The following PCDHGA1 variants were observed in gnomAD, a reference collection of about 807,000 sequenced individuals.
The protein encoded by PCDHGA1 is protocadherin gamma-A1.
PCDHGA1 carries 32 observed loss-of-function variants against 58.0 expected under a neutral mutation model. That is an observed-to-expected ratio of 0.55 (90% CI 0.42 to 0.74). The LOEUF (loss-of-function observed/expected upper bound fraction) is 0.74. Among genes scored for constraint, PCDHGA1 ranks in the 30% least tolerant of loss-of-function variants. PCDHGA1 has a pLI of 0.00. For missense variants in PCDHGA1, 1,205 were observed against 1,182.3 expected, an observed-to-expected ratio of 1.02 and a Z score of -0.28; for synonymous variants, 498 against 501.1, an observed-to-expected ratio of 0.99 and a Z score of 0.08.
chr5:141,403,527 C>G lies in PCDHGA1; in HGVS notation c.2421+70422C>G. The G allele has an allele frequency of 3.1e-6, 5 of 1,614,022 alleles. No homozygotes were observed. The South Asian group carries it at 5.5e-5, about 18-fold the overall frequency. The stretch of plus-strand genomic sequence containing the variant: ...ACTGGAGACAATGGAGCCATAAACC[C>G]AGAGCTGGTGCTGGAGCGCGCCCTG... On this transcript the variant is annotated intron_variant, in intron 1 of 3. Coordinates refer to ENST00000517417, the MANE Select transcript of PCDHGA1 (RefSeq NM_018912.3).
intron 3 of PCDHGA1, among the ~76,000 whole-genome samples, chr5:141,510,378 C>A (rs919650449): frequency 6.6e-6 from 1 of 151,786 alleles, no homozygotes; most frequent in East Asian, 2.0e-4. Flanking sequence ...TCTACTCGTG[C>A]CAGGCCTTGC....
At chr5:141,430,878 A>G in intron 1 of PCDHGA1, 1 of 1,600,748 alleles carries the variant, frequency 6.2e-7, no homozygotes, top group Admixed American at 1.8e-5. Context: ...GAAGAGCTGG[A>G]GAAAGGCTCT....
intron 1 of PCDHGA1, chr5:141,471,339 C>G (rs537413312): frequency 2.6e-5 from 4 of 152,366 alleles, no homozygotes; most frequent in Admixed American, 2.6e-4. Context: ...GTATGATCCA[C>G]TGCGCCCGGC....
chr5:141,350,108 CT>C (rs1758409669), intron 1 of PCDHGA1: 4 of 536,778 alleles, frequency 7.5e-6, no homozygotes, highest in Non-Finnish European at 1.2e-5. Context: ...TGCCTTCCTG[CT>C]TTGTCCGGTG....
intron 1 of PCDHGA1, chr5:141,357,754 G>T (rs1339262267): frequency 9.2e-6 from 10 of 1,082,578 alleles, no homozygotes; most frequent in Non-Finnish European, 1.3e-5. Context: ...AAGAAAACTG[G>T]TGGATGACCT....
intron 1 of PCDHGA1, chr5:141,478,142 G>A: frequency 3.7e-6 from 6 of 1,613,988 alleles, no homozygotes; most frequent in Non-Finnish European, 4.2e-6. Flanking sequence ...AGCCCGAGCC[G>A]AGTTCCCCTC....
chr5:141,414,559 T>C (rs1330713312), intron 1 of PCDHGA1: 2 of 1,613,782 alleles, frequency 1.2e-6, no homozygotes, highest in Non-Finnish European at 1.7e-6. Flanking sequence ...AGTCTCCTAC[T>C]TTACCTATAT....
In PCDHGA1 at chr5:141,389,591, C is replaced by G. The variant is rs533336501; in HGVS notation, c.2421+56486C>G. ...TGTACCCCGCGCTGGGTCCCGACGG[C>G]TCTGCGCTCTTCGATATGGTGCCGC... On this transcript the variant is annotated intron_variant, in intron 1 of 3. Transcript: ENST00000517417. 2.1e-5 allele frequency: 34 copies of G among 1,613,176 alleles called. No homozygotes were observed. The African/African-American group carries it at 2.1e-4, about 10-fold the overall frequency.
chr5:141,473,655 G>A (rs2099326380), intron 1 of PCDHGA1, among the ~76,000 whole-genome samples: 1 of 152,182 alleles, frequency 6.6e-6, no homozygotes, highest in Non-Finnish European at 1.5e-5. Context: ...AACAATTTGT[G>A]TGAAGGCCCT....
intron 1 of PCDHGA1, among the ~76,000 whole-genome samples, chr5:141,434,530 A>G (rs1241680580): frequency 6.6e-6 from 1 of 152,226 alleles, no homozygotes; most frequent in African/African-American, 2.4e-5. Flanking sequence ...CTTAAACCAC[A>G]AACAATAGCA....
chr5:141,332,691 C>A lies in PCDHGA1; in HGVS notation c.2007C>A (p.Ser669=). ...CCGTGGCCGTGGCCGACAGGATCTCCGACATCCTGGCCGACCTGGGCAGCC... is the reference window on the plus strand; with the variant it reads ...CCGTGGCCGTGGCCGACAGGATCTCAGACATCCTGGCCGACCTGGGCAGCC... The part of the protein sequence containing the change: ...TLTVAVADRI[S]DILADLGSLE... The change falls in exon 1 of 4, where the codon TCC becomes TCA. Residue 669 remains serine (S), a synonymous_variant. Coordinates refer to ENST00000517417, the MANE Select transcript of PCDHGA1 (RefSeq NM_018912.3). The surrounding 1 kb of genome is among the most constrained non-coding windows in gnomAD (Gnocchi z 4.6). The A allele has an allele frequency of 1.1e-5, 17 of 1,613,858 alleles. No homozygotes were observed. The highest frequency in any genetic ancestry group is 1.4e-5 in the Non-Finnish European group (17 of 1,179,950).
At chr5:141,341,734 T>G (rs1757083242) in intron 1 of PCDHGA1, 3 of 455,688 alleles carry the variant, frequency 6.6e-6, no homozygotes, top group Non-Finnish European at 1.1e-5. Flanking sequence ...ATTTTTTCTT[T>G]GTTAAAAATA....
At chr5:141,415,473 C>T in intron 1 of PCDHGA1, 2 of 1,614,224 alleles carry the variant, frequency 1.2e-6, no homozygotes, top group Non-Finnish European at 1.7e-6. Flanking sequence ...TCACCGCGGA[C>T]TCGCGAAAGA....
At chr5:141,438,739 G>A (rs1264194876) in intron 1 of PCDHGA1, among the ~76,000 whole-genome samples, 1 of 149,040 alleles carries the variant, frequency 6.7e-6, no homozygotes, top group African/African-American at 2.5e-5. Context: ...TCAGCTCACT[G>A]CAACCTCTGC....
At position 141,331,467 on chromosome 5, in the gene PCDHGA1, G is replaced by T. The variant is rs1756359210; in HGVS notation, c.783G>T (p.Leu261=). The change falls in exon 1 of 4, where the codon CTG becomes CTT. Residue 261 remains leucine (L), a synonymous_variant. Transcript: ENST00000517417. ...VPENVPLGTQ[L]LMVNATDPDE... ...AAAACGTGCCGCTGGGTACTCAGCT[G>T]CTCATGGTAAATGCCACTGACCCTG... 6.2e-7 allele frequency: 1 copy of T among 1,614,208 alleles called. No homozygotes were observed.
intron 1 of PCDHGA1, chr5:141,419,582 T>A (rs1474193256): frequency 6.2e-7 from 1 of 1,611,894 alleles, no homozygotes. Context: ...CTCCGCGCTC[T>A]TCGACACAGT....
Position 141,394,191 on chromosome 5 carries a change from T to C in PCDHGA1, c.2421+61086T>C, listed in dbSNP as rs775886477. 3 of 1,613,764 alleles carry C rather than the reference T, an allele frequency of 1.9e-6. No homozygotes were observed. The Admixed American group carries it at 5.0e-5, about 27-fold the overall frequency. On this transcript the variant is annotated intron_variant, in intron 1 of 3. Coordinates refer to ENST00000517417, the MANE Select transcript of PCDHGA1 (RefSeq NM_018912.3). ...TTTCCCTCATGCCTCCTACTCAGCG[T>C]ATATCCTAGAGAACAACCTGAGAGG...
At chr5:141,415,709 C>A in intron 1 of PCDHGA1, 1 of 1,092,276 alleles carries the variant, frequency 9.2e-7, no homozygotes, top group Non-Finnish European at 1.3e-6. Context: ...AATGCTAAAA[C>A]ACTGATGAGT....
chr5:141,485,737 C>T lies in PCDHGA1; in HGVS notation c.2422-9070C>T. On this transcript the variant is annotated intron_variant, in intron 1 of 3. Coordinates refer to ENST00000517417, the MANE Select transcript of PCDHGA1 (RefSeq NM_018912.3). The surrounding 1 kb of genome is among the most constrained non-coding windows in gnomAD (Gnocchi z 5.7). ...TGGATGTGAAGAAGCGCAGCGACGGCAGCCTGGTCCCAGAGCTGCTCCTGG... is the reference window on the plus strand; with the variant it reads ...TGGATGTGAAGAAGCGCAGCGACGGTAGCCTGGTCCCAGAGCTGCTCCTGG... 6.2e-7 allele frequency: 1 copy of T among 1,614,222 alleles called. No individual in the cohort carries two copies. Among genetic ancestry groups the T allele is most frequent in the Non-Finnish European group, 8.5e-7 (1 of 1,180,036 alleles).
Sources: allele counts gnomAD v4.1 joint callset (sites outside exome capture counted in the v4.1 genomes callset), GRCh38; gene constraint gnomAD v4.1.1; non-coding constraint Gnocchi (gnomAD v3.1); transcripts MANE v1.5; gene names NCBI Gene and HGNC (gene_info 2026-07-23, HGNC 2026-07-21).